Variants in YAP1 observed in about 807,000 individuals in gnomAD.
YAP1 encodes the protein Yes1 associated transcriptional regulator.
A neutral mutation model predicts 56.9 loss-of-function variants in YAP1; 5 were observed. That is an observed-to-expected ratio of 0.09 (90% CI 0.05 to 0.18). YAP1 has a LOEUF of 0.18. Among genes scored for constraint, YAP1 ranks in the 10% least tolerant of loss-of-function variants. The probability of loss-of-function intolerance (pLI) is 1.00; values close to 1 mark genes in which losing one functional copy is unlikely to be tolerated. For synonymous variants in YAP1, 265 were observed against 248.1 expected (o/e 1.07, Z -0.64); for missense variants, 539 against 651.8 (o/e 0.83, Z 1.88).
At chr11:102,121,799 T>C in intron 2 of YAP1, among the ~76,000 whole-genome samples, 1 of 149,940 alleles carries the variant, frequency 6.7e-6, no homozygotes, top group South Asian at 2.1e-4. Context: ...TTTTTTTGTA[T>C]TTGTTTGGTT....
At chr11:102,166,690 T>C (rs1440508237) in intron 3 of YAP1, among the ~76,000 whole-genome samples, 3 of 152,234 alleles carry the variant, frequency 2.0e-5, no homozygotes, top group Non-Finnish European at 4.4e-5. Context: ...TACACCGTGC[T>C]TTTGAAGCAC....
intron 6 of YAP1, among the ~76,000 whole-genome samples, chr11:102,219,735 T>C (rs1949828913): frequency 6.6e-6 from 1 of 151,770 alleles, no homozygotes; most frequent in Non-Finnish European, 1.5e-5. Context: ...AGATTATACC[T>C]GATGACCTGG....
rs1274460399 is a variant in YAP1, at chr11:102,198,111, AAGT to A, written c.803-7780_803-7778del. ...GGTAACAACATTTAGGTAAAGCCAA[AAGT>A]ACTCACAATAGTCATCAGAGTATTT... On this transcript the variant is annotated intron_variant, in intron 4 of 8. Coordinates refer to ENST00000282441, the MANE Select transcript of YAP1 (RefSeq NM_001130145.3). Among the ~76,000 whole-genome samples the A allele has an allele frequency of 2.6e-5, 4 of 152,336 alleles. No homozygotes were observed. The East Asian group carries it at 7.7e-4, about 29-fold the overall frequency.
chr11:102,206,017 G>A lies in YAP1; in HGVS notation c.927G>A (p.Gln309=). Residue 309 remains glutamine, a synonymous_variant, in exon 5 of 9, where the codon CAG becomes CAA. Transcript: ENST00000282441. ...NSNQQQQMRL[Q]QLQMEKERLR... ...ACCAGCAGCAACAGATGCGACTGCA[G>A]CAACTGCAGATGGAGAAGGAGAGGC... The A allele has an allele frequency of 6.2e-7, 1 of 1,614,012 alleles. No individual in the cohort carries two copies. The highest frequency in any genetic ancestry group is 8.5e-7 in the Non-Finnish European group (1 of 1,179,974).
intron 3 of YAP1, among the ~76,000 whole-genome samples, chr11:102,165,872 T>C (rs914009479): frequency 6.6e-6 from 1 of 152,180 alleles, no homozygotes; most frequent in Non-Finnish European, 1.5e-5. Context: ...TTAAATACTA[T>C]TAATAGTAGA....
At chr11:102,223,243 T>G (rs896238859) in intron 6 of YAP1, among the ~76,000 whole-genome samples, 1 of 146,540 alleles carries the variant, frequency 6.8e-6, no homozygotes, top group African/African-American at 2.6e-5. Flanking sequence ...TGAGACTCCG[T>G]CTTGAAGAAC....
chr11:102,223,434 T>C lies in YAP1; in HGVS notation c.1033-188T>C, dbSNP rs1477214679. 4.6e-5 allele frequency among the ~76,000 whole-genome samples: 7 copies of C among 152,100 alleles called. No individual in the cohort carries two copies. The East Asian group carries it at 1.3e-3, about 29-fold the overall frequency. ...TATGACTAGACAGACTTTAAATATA[T>C]GTAACTTAATTTTTAGTCATTTGAA... On this transcript the variant is annotated intron_variant, in intron 6 of 8. Transcript: ENST00000282441.
chr11:102,125,985 G>A (rs921556849), intron 2 of YAP1, among the ~76,000 whole-genome samples: 1 of 151,998 alleles, frequency 6.6e-6, no homozygotes, highest in Non-Finnish European at 1.5e-5. Context: ...AGTGGTGATG[G>A]GAGTTAGGAC....
rs1463571041 is a variant in YAP1, at chr11:102,231,134, A to G, written c.*1194A>G. On this transcript the variant is annotated 3_prime_UTR_variant, in exon 9 of 9. Coordinates refer to ENST00000282441, the MANE Select transcript of YAP1 (RefSeq NM_001130145.3). ...CACGCCCTCTGGGCATACGGTAGAT[A>G]TTATCTGATGAATTGGAAAGGAGCA... is the stretch of plus-strand genomic sequence containing the variant. The G allele has an allele frequency of 6.6e-6, 1 of 152,242 alleles. No homozygotes were observed. The highest frequency in any genetic ancestry group is 1.5e-5 in the Non-Finnish European group (1 of 68,052). The allele number at this position is 152,242 out of a possible 1,614,324, so 9.4% of individuals were successfully genotyped here. A position where few individuals can be genotyped will look rare whatever the true frequency, so the allele number is the denominator to read the frequency against.
intron 4 of YAP1, among the ~76,000 whole-genome samples, chr11:102,198,456 A>T (rs1281476933): frequency 1.3e-5 from 2 of 152,196 alleles, no homozygotes; most frequent in African/African-American, 4.8e-5. Flanking sequence ...ACTTAATGTT[A>T]TGTTACATAA....
chr11:102,139,511 G>T (rs1238450741), intron 2 of YAP1, among the ~76,000 whole-genome samples: 2 of 152,122 alleles, frequency 1.3e-5, no homozygotes, highest in African/African-American at 4.8e-5. Context: ...TAAAGAGCAA[G>T]GGTTTCAGGC....
At chr11:102,134,216 C>T (rs1181884400) in intron 2 of YAP1, among the ~76,000 whole-genome samples, 1 of 152,104 alleles carries the variant, frequency 6.6e-6, no homozygotes, top group Admixed American at 6.6e-5. Context: ...GGTGGTCTCT[C>T]ACTTTATTTG....
chr11:102,186,227 C>T, intron 4 of YAP1, 96 bp downstream of exon 4: 1 of 1,348,204 alleles, frequency 7.4e-7, no homozygotes. Flanking sequence ...AATCGCATTG[C>T]TTTATAGTAT....
chr11:102,160,284 A>G (rs996343544), intron 2 of YAP1, among the ~76,000 whole-genome samples: 5 of 152,160 alleles, frequency 3.3e-5, no homozygotes, highest in African/African-American at 7.2e-5. Flanking sequence ...TGGCCTCCCA[A>G]AGAGCTGGGA....
chr11:102,211,406 A>G (rs960276706), intron 6 of YAP1, among the ~76,000 whole-genome samples: 1 of 152,234 alleles, frequency 6.6e-6, no homozygotes, highest in African/African-American at 2.4e-5. Context: ...AGATTTGCCC[A>G]GACCAGAGCA....
intron 4 of YAP1, 23 bp from the exon 5 acceptor site, chr11:102,205,870 T>G: frequency 7.3e-7 from 1 of 1,371,332 alleles, no homozygotes; most frequent in Non-Finnish European, 9.6e-7. Flanking sequence ...TTAGGACAGA[T>G]TTTTTTTTTC....
intron 3 of YAP1, among the ~76,000 whole-genome samples, chr11:102,176,744 TCAAAAAAAAAAAA>T (rs1947274038): frequency 1.0e-4 from 2 of 19,526 alleles, no homozygotes; most frequent in African/African-American, 5.8e-4. Flanking sequence ...AGACTCCGTC[TCAAAAAAAAAAAA>T]AAAAAAAAAA....
chr11:102,164,660 G>A (rs1430868363), intron 3 of YAP1, among the ~76,000 whole-genome samples: 1 of 152,168 alleles, frequency 6.6e-6, no homozygotes, highest in Non-Finnish European at 1.5e-5. Flanking sequence ...AGAAATGAGA[G>A]TATTTCGGCT....
At chr11:102,148,519 T>C (rs1043277549) in intron 2 of YAP1, among the ~76,000 whole-genome samples, 1 of 152,148 alleles carries the variant, frequency 6.6e-6, no homozygotes, top group Non-Finnish European at 1.5e-5. Context: ...ACACTGATGG[T>C]TTTTGGATGG....
Sources: allele counts gnomAD v4.1 joint callset (sites outside exome capture counted in the v4.1 genomes callset), GRCh38; gene constraint gnomAD v4.1.1; transcripts MANE v1.5; gene names NCBI Gene and HGNC (gene_info 2026-07-23, HGNC 2026-07-21).